Variants in CSTPP1 observed in about 807,000 individuals in gnomAD.
CSTPP1 encodes the protein UPF0705 protein C11orf49.
the CSTPP1 span, among the ~76,000 whole-genome samples, chr11:47,114,963 G>A: frequency 6.6e-6 from 1 of 152,154 alleles, no homozygotes; most frequent in Non-Finnish European, 1.5e-5. Flanking sequence ...TATTGGCTGT[G>A]GGTTTGTCAT....
At chr11:47,016,467 ATATAAAAATTGTATTTTTGT>A in the CSTPP1 span, among the ~76,000 whole-genome samples, 1 of 152,230 alleles carries the variant, frequency 6.6e-6, no homozygotes, top group Non-Finnish European at 1.5e-5. Flanking sequence ...GTATATCAAT[ATATAAAAATTGTATTTTTGT>A]ATTCCAGCAA....
chr11:47,023,613 C>A, the CSTPP1 span, among the ~76,000 whole-genome samples: 2 of 152,196 alleles, frequency 1.3e-5, no homozygotes, highest in South Asian at 4.1e-4. Context: ...CTTCCCATTC[C>A]TTCTGACCCC....
chr11:47,116,846 A>G, the CSTPP1 span, among the ~76,000 whole-genome samples: 2 of 151,396 alleles, frequency 1.3e-5, no homozygotes, highest in Non-Finnish European at 2.9e-5. Flanking sequence ...CGCCTGGCTA[A>G]TTTTCTTTGT....
At chr11:47,062,552 GCTATA>G in the CSTPP1 span, among the ~76,000 whole-genome samples, 2 of 152,144 alleles carry the variant, frequency 1.3e-5, no homozygotes, top group Admixed American at 1.3e-4. Flanking sequence ...CCTAATCAAA[GCTATA>G]CTATACTAAA....
chr11:47,150,255 G>A, the CSTPP1 span, among the ~76,000 whole-genome samples: 1 of 152,236 alleles, frequency 6.6e-6, no homozygotes. Context: ...CCCTCTGAAT[G>A]TCTGCATTCT....
chr11:46,994,889 G>A, the CSTPP1 span, among the ~76,000 whole-genome samples: 85 of 152,176 alleles, frequency 5.6e-4, no homozygotes, highest in African/African-American at 2.0e-3. Context: ...GAATTCAGCT[G>A]TGAATCCATC....
the CSTPP1 span, among the ~76,000 whole-genome samples, chr11:46,998,440 G>A: frequency 6.6e-6 from 1 of 152,194 alleles, no homozygotes; most frequent in Non-Finnish European, 1.5e-5. Context: ...TCCCCAGAAA[G>A]CTGAAATTTA....
At chr11:47,139,440 G>A in the CSTPP1 span, among the ~76,000 whole-genome samples, 4 of 152,132 alleles carry the variant, frequency 2.6e-5, no homozygotes, top group East Asian at 1.9e-4. Flanking sequence ...TTGGGAGGCC[G>A]AGGTGGATGG....
At chr11:47,127,848 G>A in the CSTPP1 span, among the ~76,000 whole-genome samples, 308 of 151,960 alleles carry the variant, frequency 2.0e-3, 2 homozygotes, top group African/African-American at 7.0e-3. Flanking sequence ...GACCCAGATC[G>A]GCTGATTCAG....
the CSTPP1 span, among the ~76,000 whole-genome samples, chr11:47,094,464 T>A: frequency 2.6e-5 from 4 of 151,662 alleles, no homozygotes; most frequent in Non-Finnish European, 5.9e-5. Flanking sequence ...CTCATGTCAA[T>A]CATTCTTACC....
the CSTPP1 span, chr11:46,936,785 T>A: frequency 6.2e-7 from 1 of 1,610,298 alleles, no homozygotes; most frequent in Non-Finnish European, 8.5e-7. Context: ...GCTGGAGCTT[T>A]GAAGCCACCC....
chr11:47,044,113 A>T, the CSTPP1 span, among the ~76,000 whole-genome samples: 1 of 151,914 alleles, frequency 6.6e-6, no homozygotes, highest in African/African-American at 2.4e-5. Context: ...CAGCCTCCCA[A>T]GTAGCTGGGA....
At chr11:47,108,384 T>C in the CSTPP1 span, among the ~76,000 whole-genome samples, 1 of 152,200 alleles carries the variant, frequency 6.6e-6, no homozygotes, top group Admixed American at 6.5e-5. Flanking sequence ...ACAGTGAGAC[T>C]AAGATATATA....
chr11:47,142,493 T>C, the CSTPP1 span, among the ~76,000 whole-genome samples: 3 of 152,078 alleles, frequency 2.0e-5, no homozygotes. Context: ...ATGAATAAGA[T>C]ATAGTTCCTG....
At chr11:46,944,213 G>C in the CSTPP1 span, among the ~76,000 whole-genome samples, 1 of 150,584 alleles carries the variant, frequency 6.6e-6, no homozygotes, top group Non-Finnish European at 1.5e-5. Flanking sequence ...AGCTACTCAG[G>C]AGGTTGAGAC....
the CSTPP1 span, among the ~76,000 whole-genome samples, chr11:47,061,020 G>C: frequency 6.6e-6 from 1 of 152,334 alleles, no homozygotes; most frequent in Middle Eastern, 3.4e-3. Context: ...GGATGTGGCA[G>C]AGAAAGAGTC....
At chr11:47,163,639 T>C in the CSTPP1 span, among the ~76,000 whole-genome samples, 1 of 152,110 alleles carries the variant, frequency 6.6e-6, no homozygotes, top group Non-Finnish European at 1.5e-5. Context: ...TGTATGTATA[T>C]ATATGTAATT....
chr11:46,981,967 A>G, the CSTPP1 span, among the ~76,000 whole-genome samples: 15 of 152,166 alleles, frequency 9.9e-5, no homozygotes, highest in Non-Finnish European at 2.1e-4. Flanking sequence ...TGTAAATAAT[A>G]AATTTTAGAG....
At chr11:47,155,090 T>C in the CSTPP1 span, 1 of 899,466 alleles carries the variant, frequency 1.1e-6, no homozygotes, top group East Asian at 3.3e-5. Context: ...TCCCCCGCAC[T>C]TTTCCCTTCC....
Sources: allele counts gnomAD v4.1 joint callset (sites outside exome capture counted in the v4.1 genomes callset), GRCh38; gene constraint gnomAD v4.1.1; transcripts MANE v1.5; gene names NCBI Gene and HGNC (gene_info 2026-07-23, HGNC 2026-07-21).